Variants in PCARE observed in about 807,000 individuals in gnomAD.
PCARE encodes the protein uncharacterized protein C2orf71.
Under a neutral mutation model 82.2 loss-of-function variants are expected in PCARE, and 72 were observed. That is an observed-to-expected ratio of 0.88 (90% CI 0.72 to 1.07). PCARE has a LOEUF of 1.07. Ranked by LOEUF, PCARE falls within the 50% of genes least tolerant of loss-of-function variation. The probability of loss-of-function intolerance (pLI) is 0.00; values close to 1 mark genes in which losing one functional copy is unlikely to be tolerated. For missense variants in PCARE, 1,768 were observed against 1,592.4 expected, an observed-to-expected ratio of 1.11 and a Z score of -1.88; for synonymous variants, 705 against 634.8, an observed-to-expected ratio of 1.11 and a Z score of -1.66.
At position 29,068,185 on chromosome 2, in the gene PCARE, A is replaced by G. The variant is rs148539204; in HGVS notation, c.3668+2409T>C. Among the ~76,000 whole-genome samples the G allele has an allele frequency of 5.7e-3, 868 of 152,356 alleles. 9 individuals carry two copies. The highest frequency in any genetic ancestry group is 0.02 in the African/African-American group (818 of 41,586). The stretch of plus-strand genomic sequence containing the variant: ...CAGATGAAAACCACTGTACTGTAGG[A>G]AGCTCATTTTAGATTTAAGAAAAGA... On this transcript the variant is annotated intron_variant, in intron 1 of 1. Coordinates refer to ENST00000331664, the MANE Select transcript of PCARE (RefSeq NM_001029883.3).
Position 29,073,645 on chromosome 2 carries a change from T to G in PCARE, c.617A>C (p.His206Pro). Residue 206 changes from histidine to proline, a missense_variant, in exon 1 of 2, where the codon CAT becomes CCT. Coordinates refer to ENST00000331664, the MANE Select transcript of PCARE (RefSeq NM_001029883.3). The part of the protein sequence containing the change: ...SKYEAILCII[H>P]QATQTRELLQ... Reference sequence around the variant, plus strand: ...CAGCTCCCGGGTCTGGGTGGCCTGATGGATGATGCACAGAATTGCTTCATA... The same window carrying G: ...CAGCTCCCGGGTCTGGGTGGCCTGAGGGATGATGCACAGAATTGCTTCATA... 1 of 1,614,164 alleles carries G rather than the reference T, an allele frequency of 6.2e-7. No homozygotes were observed.
Position 29,074,114 on chromosome 2 carries a change from A to C in PCARE, c.148T>G (p.Cys50Gly). 1 of 1,614,114 alleles carries C rather than the reference A, an allele frequency of 6.2e-7. No homozygotes were observed. The highest frequency in any genetic ancestry group is 1.7e-5 in the Admixed American group (1 of 60,014). Reference protein sequence around the residue: ...SIPLLVKNSTCYDAGEGLAEE... With the variant: ...SIPLLVKNSTGYDAGEGLAEE... ...GCCAGGCCCTCCCCAGCGTCATAGC[A>C]GGTGGAGTTTTTAACCAGCAAAGGG... is the stretch of plus-strand genomic sequence containing the variant. The change falls in exon 1 of 2, where the codon TGC (cysteine) becomes GGC (glycine). Residue 50 changes from cysteine (C) to glycine (G), a missense_variant. By Grantham distance (159) the Cys-to-Gly change is radical. Coordinates refer to ENST00000331664, the MANE Select transcript of PCARE (RefSeq NM_001029883.3).
In PCARE at chr2:29,065,539, C is replaced by T. The variant is rs371460885; in HGVS notation, c.3669-472G>A. Among the ~76,000 whole-genome samples the T allele has an allele frequency of 5.9e-5, 9 of 152,358 alleles. No individual in the cohort carries two copies. In the East Asian group the frequency reaches 9.6e-4, roughly 16 times the overall value. ...AAACAGCTTGGCCCAGCGCAGGCCC[C>T]GCATTTGGCTGGAACAGAGATTCTC... On this transcript the variant is annotated intron_variant, in intron 1 of 1. Coordinates refer to ENST00000331664, the MANE Select transcript of PCARE (RefSeq NM_001029883.3).
At position 29,073,003 on chromosome 2, in the gene PCARE, G is replaced by C; in HGVS notation, c.1259C>G (p.Ala420Gly). ...GTCCTGTGCTCGTGGCTGAACCTTT[G>C]CCATAGGAGCCCCTGAGAGCAGGCA... ...QDCLLSGAPM[A>G]KVQPRAQDEA... Residue 420 changes from alanine to glycine, a missense_variant, in exon 1 of 2, where the codon GCA (alanine) becomes GGA (glycine). By Grantham distance (60) the Ala-to-Gly change is moderately conservative (BLOSUM62 0). Coordinates refer to ENST00000331664, the MANE Select transcript of PCARE (RefSeq NM_001029883.3). The C allele has an allele frequency of 6.2e-7, 1 of 1,614,172 alleles. No homozygotes were observed. The highest frequency in any genetic ancestry group is 8.5e-7 in the Non-Finnish European group (1 of 1,180,022).
In PCARE at chr2:29,072,496, T is replaced by C. The variant is rs1476264448; in HGVS notation, c.1766A>G (p.Glu589Gly). The change falls in exon 1 of 2, where the codon GAG becomes GGG. Residue 589 changes from glutamate (E) to glycine (G), a missense_variant. Physicochemically the swap from Glu to Gly is moderately conservative, Grantham distance 98. Coordinates refer to ENST00000331664, the MANE Select transcript of PCARE (RefSeq NM_001029883.3). ...CTCTGACTGGGACCTCGTCTGCCTCTCAGGGGCCCTCCTGCTGCCACTTAC... is the reference window on the plus strand; with the variant it reads ...CTCTGACTGGGACCTCGTCTGCCTCCCAGGGGCCCTCCTGCTGCCACTTAC... ...STVSGSRRAPERQTRSQSESC... is the reference protein window; with the variant it reads ...STVSGSRRAPGRQTRSQSESC... The C allele has an allele frequency of 1.2e-6, 2 of 1,614,102 alleles. No homozygotes were observed. The highest frequency in any genetic ancestry group is 1.3e-5 in the African/African-American group (1 of 74,942).
Position 29,074,317 on chromosome 2 carries a change from T to C in PCARE, c.-56A>G. On this transcript the variant is annotated 5_prime_UTR_variant, in exon 1 of 2. Coordinates refer to ENST00000331664, the MANE Select transcript of PCARE (RefSeq NM_001029883.3). Reference sequence around the variant, plus strand: ...CTTCACAATTTTCCAAGAATCATATTTGAAATAGGAACAAAAGGCAATCTT... The same window carrying C: ...CTTCACAATTTTCCAAGAATCATATCTGAAATAGGAACAAAAGGCAATCTT... 6.6e-7 allele frequency: 1 copy of C among 1,508,286 alleles called. No individual in the cohort carries two copies. Among genetic ancestry groups the C allele is most frequent in the Non-Finnish European group, 8.8e-7 (1 of 1,131,108 alleles). The allele number at this position is 1,508,286 out of a possible 1,614,324, so 93.4% of individuals were successfully genotyped here. A position where few individuals can be genotyped will look rare whatever the true frequency, so the allele number is the denominator to read the frequency against.
Position 29,070,967 on chromosome 2 carries a change from G to GCT in PCARE, c.3293_3294dup (p.His1099SerfsTer15). The GCT allele has an allele frequency of 6.2e-7, 1 of 1,612,242 alleles. No individual in the cohort carries two copies. The highest frequency in any genetic ancestry group is 8.5e-7 in the Non-Finnish European group (1 of 1,179,692). On this transcript the variant is annotated frameshift_variant, in exon 1 of 2. Coordinates refer to ENST00000331664, the MANE Select transcript of PCARE (RefSeq NM_001029883.3). LOFTEE classifies it high-confidence loss of function. Reference sequence around the variant, plus strand: ...TCTTCAGAGTCTCTTGTTTCCTTGTGCTCCTGAGAAGGGGACATTGGGGGT... The same window carrying GCT: ...TCTTCAGAGTCTCTTGTTTCCTTGTGCTCTCCTGAGAAGGGGACATTGGGGGT...
rs1667369401 is a variant in PCARE at position 29,064,938 on chromosome 2, C to T, written c.3798G>A (p.Glu1266=). The change falls in exon 2 of 2, where the codon GAG becomes GAA. Residue 1266 remains glutamate, a synonymous_variant. Coordinates refer to ENST00000331664, the MANE Select transcript of PCARE (RefSeq NM_001029883.3). ...TGTCCTGGATGTGGCCGGTCCGAGG[C>T]TCCGGTTGCAGCCCGTGGCCCAGCA... ...FCVLGHGLQP[E]PRTGHIQDKS... is the part of the protein sequence containing the mutation. 2.5e-6 allele frequency: 4 copies of T among 1,610,374 alleles called. No individual in the cohort carries two copies. Among genetic ancestry groups the T allele is most frequent in the African/African-American group, 2.7e-5 (2 of 74,866 alleles).
In PCARE at chr2:29,072,571, C is replaced by A. The variant is rs1195259002; in HGVS notation, c.1691G>T (p.Trp564Leu). The A allele has an allele frequency of 2.0e-5, 33 of 1,614,080 alleles. No individual in the cohort carries two copies. The highest frequency in any genetic ancestry group is 2.7e-5 in the Non-Finnish European group (32 of 1,180,042). Reference sequence around the variant, plus strand: ...TGTCCTCCCCTCCTCCTCCTCAGACCAGTCCTGGTGCCCACAGGGCACAGG... The same window carrying A: ...TGTCCTCCCCTCCTCCTCCTCAGACAAGTCCTGGTGCCCACAGGGCACAGG... ...FVPVPCGHQDWSEEEEGRTVV... is the reference protein window; with the variant it reads ...FVPVPCGHQDLSEEEEGRTVV... The change falls in exon 1 of 2, where the codon TGG (tryptophan) becomes TTG (leucine). Residue 564 changes from tryptophan (W) to leucine (L), a missense_variant. Transcript: ENST00000331664.
Position 29,071,472 on chromosome 2 carries a change from G to A in PCARE, c.2790C>T (p.Thr930=). 3 of 1,612,014 alleles carry A rather than the reference G, an allele frequency of 1.9e-6. No individual in the cohort carries two copies. Among genetic ancestry groups the A allele is most frequent in the Non-Finnish European group, 2.5e-6 (3 of 1,179,984 alleles). ...CACCCTTCACCTCGGGGCTTTGGCT[G>A]GTGGCTGGTGGGCTGCTCAGGTCCA... is the stretch of plus-strand genomic sequence containing the variant. The part of the protein sequence containing the change: ...PALDLSSPPA[T]SQSPEVKGGT... Residue 930 remains threonine (T), a synonymous_variant, in exon 1 of 2, where the codon ACC becomes ACT. Coordinates refer to ENST00000331664, the MANE Select transcript of PCARE (RefSeq NM_001029883.3).
rs1398491991 is a variant in PCARE at position 29,071,905 on chromosome 2, G to A, written c.2357C>T (p.Ala786Val). The A allele has an allele frequency of 6.2e-7, 1 of 1,614,234 alleles. No homozygotes were observed. ...CATTTTGAGAGATTCTCTGCCTGAT[G>A]CTGGAGAAATTTGGGGCTTCGGATA... ...PLYPKPQISP[A>V]SGRESLKMGI... is the part of the protein sequence containing the mutation. The change falls in exon 1 of 2, where the codon GCA (alanine) becomes GTA (valine). Residue 786 changes from alanine to valine, a missense_variant. Transcript: ENST00000331664.
chr2:29,071,823 T>C lies in PCARE; in HGVS notation c.2439A>G (p.Ala813=), dbSNP rs1468146749. 6.2e-7 allele frequency: 1 copy of C among 1,614,096 alleles called. No individual in the cohort carries two copies. Among genetic ancestry groups the C allele is most frequent in the Non-Finnish European group, 8.5e-7 (1 of 1,180,034 alleles). The change falls in exon 1 of 2, where the codon GCA becomes GCG. Residue 813 remains alanine (A), a synonymous_variant. Transcript: ENST00000331664. ...PIFPPLPKAE[A]AKSEELSCEM... ...CACAGCTGAGCTCCTCACTCTTGGC[T>C]GCTTCTGCTTTAGGCAGAGGGGGAA...
At chr2:29,067,793 C>T (rs568673826) in intron 1 of PCARE, among the ~76,000 whole-genome samples, 2 of 152,318 alleles carry the variant, frequency 1.3e-5, no homozygotes, top group Admixed American at 1.3e-4. Flanking sequence ...GATTCACCCA[C>T]CTCAGCCTCC....
chr2:29,070,693 AG>A lies in PCARE; in HGVS notation c.3568del (p.Leu1190SerfsTer124). ...ALCALNPLPF[L>X]RRTASDRQPG... ...CTGGCGGTCAGAAGCTGTCCTCCTG[AG>A]GAAAGGCAGAGGGTTGAGGGCACAC... On this transcript the variant is annotated frameshift_variant, in exon 1 of 2. Transcript: ENST00000331664. LOFTEE classifies it high-confidence loss of function. The A allele has an allele frequency of 1.2e-6, 2 of 1,614,054 alleles. No homozygotes were observed. Among genetic ancestry groups the A allele is most frequent in the Non-Finnish European group, 1.7e-6 (2 of 1,180,008 alleles).
Position 29,071,376 on chromosome 2 carries a change from G to GT in PCARE, c.2885dup (p.His962GlnfsTer145), listed in dbSNP as rs1558488295. ...TGTTTTGTCCAGATGGAGGGCCGGA[G>GT]TGGTGCCAGGCGATGGCCTTCCGGG... is the stretch of plus-strand genomic sequence containing the variant. On this transcript the variant is annotated frameshift_variant, in exon 1 of 2. Transcript: ENST00000331664. LOFTEE classifies it high-confidence loss of function. 6.2e-7 allele frequency: 1 copy of GT among 1,613,798 alleles called. No homozygotes were observed. The highest frequency in any genetic ancestry group is 8.5e-7 in the Non-Finnish European group (1 of 1,179,936).
intron 1 of PCARE, among the ~76,000 whole-genome samples, chr2:29,066,616 C>T (rs552924626): frequency 2.2e-4 from 34 of 152,296 alleles, no homozygotes; most frequent in African/African-American, 5.1e-4. Flanking sequence ...TGGTAGGAGT[C>T]GTGGGTAAGT....
chr2:29,069,953 AT>A (rs918020695), intron 1 of PCARE, among the ~76,000 whole-genome samples: 1 of 152,128 alleles, frequency 6.6e-6, no homozygotes, highest in Non-Finnish European at 1.5e-5. Context: ...AACCAGAAAC[AT>A]GGGGAGCCAG....
intron 1 of PCARE, among the ~76,000 whole-genome samples, chr2:29,069,773 A>T (rs896542612): frequency 6.6e-6 from 1 of 152,222 alleles, no homozygotes; most frequent in Non-Finnish European, 1.5e-5. Flanking sequence ...AAAAAATAAT[A>T]AATATTTTAC....
Position 29,073,530 on chromosome 2 carries a change from C to T in PCARE, c.732G>A (p.Leu244=). 1 of 1,614,202 alleles carries T rather than the reference C, an allele frequency of 6.2e-7. No homozygotes were observed. ...AAGCCAGATCCTCCCTGACTTCCTGCAGGAGCACTTCTCCATCCTTGGAGA... is the reference window on the plus strand; with the variant it reads ...AAGCCAGATCCTCCCTGACTTCCTGTAGGAGCACTTCTCCATCCTTGGAGA... The part of the protein sequence containing the change: ...GEISKDGEVL[L]QEVREDLAWP... Residue 244 remains leucine, a synonymous_variant, in exon 1 of 2, where the codon CTG becomes CTA. Transcript: ENST00000331664.
Sources: gnomAD v4.1 joint callset for allele counts (sites outside exome capture counted in the v4.1 genomes callset) on GRCh38, gnomAD v4.1.1 for gene constraint, MANE v1.5 for transcripts, NCBI Gene and HGNC (gene_info 2026-07-23, HGNC 2026-07-21) for gene names.